DIDO1: variants seen among roughly 807,000 people sequenced by gnomAD.
DIDO1 encodes the protein death-inducer obliterator 1.
Under a neutral mutation model 99.4 loss-of-function variants are expected in DIDO1, and 16 were observed. That is an observed-to-expected ratio of 0.16 (90% confidence interval 0.11 to 0.24). The LOEUF (loss-of-function observed/expected upper bound fraction) is 0.24, where lower values mean the gene tolerates loss of function less well. Ranked by LOEUF, DIDO1 falls within the 10% of genes least tolerant of loss-of-function variation. The probability of loss-of-function intolerance (pLI) is 1.00; values close to 1 mark genes in which losing one functional copy is unlikely to be tolerated. For synonymous variants in DIDO1, 1,366 were observed against 1,239.1 expected (o/e 1.10, Z -2.15); for missense variants, 2,996 against 3,014.0 (o/e 0.99, Z 0.14).
At chr20:62,937,371 AG>A (rs3215627) in intron 1 of DIDO1, among the ~76,000 whole-genome samples, 38,998 of 152,168 alleles carry the variant, frequency 0.26, 5,242 homozygotes, top group East Asian at 0.33. Flanking sequence ...TCCTGCCGGG[AG>A]GGTCTCCAGT....
upstream of DIDO1, among the ~76,000 whole-genome samples, chr20:62,930,435 CAA>C (rs1237993808): frequency 1.3e-5 from 2 of 152,160 alleles, no homozygotes; most frequent in East Asian, 3.9e-4. Flanking sequence ...GGCCAGGAAA[CAA>C]AAGAATTCAA....
rs766828782 is a variant in DIDO1, at chr20:62,907,218, G to C, written c.1303C>G (p.Gln435Glu). 1.2e-6 allele frequency: 2 copies of C among 1,614,246 alleles called. No individual in the cohort carries two copies. Among genetic ancestry groups the C allele is most frequent in the Non-Finnish European group, 1.7e-6 (2 of 1,180,050 alleles). ...TMKFLSSGKEQKPKPKEKMKM... is the reference protein window; with the variant it reads ...TMKFLSSGKEEKPKPKEKMKM... ...ATCTTTTCTTTAGGCTTTGGCTTCT[G>C]TTCTTTACCTGAGCTTAGAAACTTC... Residue 435 changes from glutamine to glutamate, a missense_variant, in exon 5 of 16, where the codon CAG (glutamine) becomes GAG (glutamate). Gln to Glu is a conservative substitution (Grantham distance 29). This residue lies in a region of DIDO1 where 898 missense variants were observed against 972.7 expected (regional missense o/e 0.92). Coordinates refer to ENST00000395343, the MANE Select transcript of DIDO1 (RefSeq NM_001193369.2).
chr20:62,919,914 C>T lies in DIDO1; in HGVS notation c.-199-5508G>A, dbSNP rs143310540. 3.9e-5 allele frequency among the ~76,000 whole-genome samples: 6 copies of T among 152,310 alleles called. No homozygotes were observed. In the East Asian group the frequency reaches 9.6e-4, roughly 24 times the overall value. ...GAAACAGTCACATAAAATCATTTAT[C>T]GAGGTGAAGGAGAAGTGAGGTTTAT... On this transcript the variant is annotated intron_variant, in intron 1 of 15. Coordinates refer to ENST00000395343, the MANE Select transcript of DIDO1 (RefSeq NM_001193369.2).
chr20:62,884,981 TA>T (rs2064274685), intron 15 of DIDO1, among the ~76,000 whole-genome samples: 1 of 152,258 alleles, frequency 6.6e-6, no homozygotes, highest in African/African-American at 2.4e-5. Flanking sequence ...GAACATATTT[TA>T]AAACGGTATT....
intron 15 of DIDO1, chr20:62,889,049 C>T (rs908071212): frequency 5.1e-6 from 5 of 985,394 alleles, no homozygotes; most frequent in African/African-American, 1.7e-5. Context: ...CAGGCGGCGT[C>T]GTGGCCTCAG....
rs1429802046 is a variant in DIDO1 at position 62,894,686 on chromosome 20, G to C, written c.2436+124C>G. The C allele has an allele frequency of 7.1e-7, 1 of 1,404,450 alleles. No individual in the cohort carries two copies. The highest frequency in any genetic ancestry group is 9.6e-7 in the Non-Finnish European group (1 of 1,041,286). The allele number at this position is 1,404,450 out of a possible 1,614,324, so 87.0% of individuals were successfully genotyped here. On this transcript the variant is annotated intron_variant, in intron 10 of 15. Coordinates refer to ENST00000395343, the MANE Select transcript of DIDO1 (RefSeq NM_001193369.2). This position sits in a 1 kb window ranked among gnomAD's most constrained non-coding sequence, Gnocchi z 4.4. ...AAGGACCATCTAATACAAGGACTGA[G>C]GAATGCCACAATGACATACACCTGC...
chr20:62,893,923 G>A lies in DIDO1; in HGVS notation c.2844C>T (p.Pro948=), dbSNP rs567340852. 1.9e-6 allele frequency: 3 copies of A among 1,611,844 alleles called. No individual in the cohort carries two copies. Among genetic ancestry groups the A allele is most frequent in the East Asian group, 4.5e-5 (2 of 44,834 alleles). Residue 948 remains proline (P), a synonymous_variant, in exon 12 of 16, where the codon CCC becomes CCT. Coordinates refer to ENST00000395343, the MANE Select transcript of DIDO1 (RefSeq NM_001193369.2). The stretch of plus-strand genomic sequence containing the variant: ...CCCCGCTCCCACAGGAGGCTGGGCA[G>A]GGGGACAGGTCTTCCAGCGGGGAGG... ...PEPSPLEDLS[P]CPASCGSGVV... is the part of the protein sequence containing the mutation.
intron 1 of DIDO1, among the ~76,000 whole-genome samples, chr20:62,937,322 G>C (rs548892466): frequency 2.0e-5 from 3 of 152,262 alleles, no homozygotes; most frequent in African/African-American, 4.8e-5. Context: ...CAATAAGCAA[G>C]TAAACGCGCA....
chr20:62,912,995 G>A (rs1451238680), intron 2 of DIDO1, among the ~76,000 whole-genome samples: 1 of 152,168 alleles, frequency 6.6e-6, no homozygotes, highest in Non-Finnish European at 1.5e-5. Flanking sequence ...TCGCACCACT[G>A]CACTCCAGCC....
At chr20:62,882,911 C>A (rs1234930998) in intron 15 of DIDO1, among the ~76,000 whole-genome samples, 4 of 135,148 alleles carry the variant, frequency 3.0e-5, no homozygotes, top group East Asian at 2.2e-4. Flanking sequence ...AGGTAACAAA[C>A]AGCCTTTTTT....
At chr20:62,929,207 G>A (rs2065297882), upstream of DIDO1, 1 of 152,250 alleles carries the variant, frequency 6.6e-6, no homozygotes, top group African/African-American at 2.4e-5. Flanking sequence ...CCGGAAGCCG[G>A]ACAGCGTCAG....
Position 62,892,592 on chromosome 20 carries a change from C to T in DIDO1, c.3255+217G>A, listed in dbSNP as rs191100278. On this transcript the variant is annotated intron_variant, in intron 13 of 15. Transcript: ENST00000395343. ...AGGCCAGACTGCAGGCTCACATTTC[C>T]GACCCTGTCCAAACTGCTGAACCTG... 7.8e-3 allele frequency among the ~76,000 whole-genome samples: 1,187 copies of T among 152,320 alleles called. 14 individuals are homozygous for T. The highest frequency in any genetic ancestry group is 0.027 in the African/African-American group (1,131 of 41,550).
In DIDO1 at chr20:62,913,191, C is replaced by G. The variant is rs1178192834; in HGVS notation, c.-3+1019G>C. Among the ~76,000 whole-genome samples the G allele has an allele frequency of 2.0e-5, 3 of 152,172 alleles. No homozygotes were observed. The East Asian group carries it at 5.8e-4, about 29-fold the overall frequency. ...CCACGCTCTGTAAACATGACCCACA[C>G]CCCCCAGGGCACTCCACGGAAGCCT... On this transcript the variant is annotated intron_variant, in intron 2 of 15. Transcript: ENST00000395343.
upstream of DIDO1, among the ~76,000 whole-genome samples, chr20:62,927,701 A>AG (rs2065278469): frequency 6.6e-6 from 1 of 152,270 alleles, no homozygotes; most frequent in South Asian, 2.1e-4. Flanking sequence ...TGGATGAACC[A>AG]GGGGCTTTGA....
chr20:62,901,123 T>C (rs980496132), intron 6 of DIDO1, among the ~76,000 whole-genome samples: 5 of 152,240 alleles, frequency 3.3e-5, no homozygotes, highest in African/African-American at 9.6e-5. Context: ...TTTGCTTTCA[T>C]GTTGCGGGGA....
intron 3 of DIDO1, 137 bp downstream of exon 3, chr20:62,910,637 T>C: frequency 3.6e-6 from 4 of 1,097,216 alleles, no homozygotes; most frequent in Non-Finnish European, 5.3e-6. Flanking sequence ...CTCTTATGTG[T>C]TTCTTTTTTG....
rs1462342665 is a variant in DIDO1, at chr20:62,878,105, G to C, written c.*1128C>G. ...GAAAAATCTGTAGTGACGTACAATGGAATAACAGACTCCAAAGAACAAGTG... is the reference window on the plus strand; with the variant it reads ...GAAAAATCTGTAGTGACGTACAATGCAATAACAGACTCCAAAGAACAAGTG... On this transcript the variant is annotated 3_prime_UTR_variant, in exon 16 of 16. Coordinates refer to ENST00000395343, the MANE Select transcript of DIDO1 (RefSeq NM_001193369.2). 6.6e-6 allele frequency: 1 copy of C among 152,120 alleles called. No homozygotes were observed. Among genetic ancestry groups the C allele is most frequent in the African/African-American group, 2.4e-5 (1 of 41,418 alleles). The allele number at this position is 152,120 out of a possible 1,614,324, so 9.4% of individuals were successfully genotyped here. A position where few individuals can be genotyped will look rare whatever the true frequency, so the allele number is the denominator to read the frequency against.
At chr20:62,888,866 C>T (rs1191632861) in intron 15 of DIDO1, 3 of 985,438 alleles carry the variant, frequency 3.0e-6, no homozygotes, top group Non-Finnish European at 3.6e-6. Context: ...TCAACAAGGA[C>T]ATCAGGAGAA....
chr20:62,897,020 G>C, intron 6 of DIDO1, 24 bp from the exon 7 acceptor site: 1 of 1,587,584 alleles, frequency 6.3e-7, no homozygotes, highest in Non-Finnish European at 8.6e-7. Flanking sequence ...CACAGGCGCT[G>C]AGTAAGGGAG....
Sources: allele counts gnomAD v4.1 joint callset (sites outside exome capture counted in the v4.1 genomes callset), GRCh38; gene constraint gnomAD v4.1.1; regional missense constraint gnomAD v4.1.1; non-coding constraint Gnocchi (gnomAD v3.1); transcripts MANE v1.5; gene names NCBI Gene and HGNC (gene_info 2026-07-23, HGNC 2026-07-21).